Variants in ATP6V0A4 observed in about 807,000 individuals in gnomAD.
ATP6V0A4 encodes the protein ATPase H+ transporting V0 subunit a4.
ATP6V0A4 carries 86 observed loss-of-function variants against 107.3 expected under a neutral mutation model. That is an observed-to-expected ratio of 0.80 (90% CI 0.67 to 0.96). The LOEUF is 0.96. Ranked by LOEUF, ATP6V0A4 falls within the 40% of genes least tolerant of loss-of-function variation. The pLI, the probability that ATP6V0A4 is intolerant of heterozygous loss-of-function variation, is 0.00. For synonymous variants in ATP6V0A4, 353 were observed against 381.4 expected (o/e 0.93, Z 0.87); for missense variants, 908 against 1,045.6 (o/e 0.87, Z 1.81).
chr7:138,745,842 G>T lies in ATP6V0A4; in HGVS notation c.1321-562C>A, dbSNP rs527615717. Among the ~76,000 whole-genome samples the T allele has an allele frequency of 1.2e-3, 178 of 145,068 alleles. 1 individual carries two copies. The highest frequency in any genetic ancestry group is 4.4e-3 in the African/African-American group (172 of 39,326). On this transcript the variant is annotated intron_variant, in intron 13 of 21. Coordinates refer to ENST00000310018, the MANE Select transcript of ATP6V0A4 (RefSeq NM_020632.3). ...CACGTTAGTCGCAGTTACTCAGGAG[G>T]CTGAGGCAGGAGAATCACTTGAACC...
intron 3 of ATP6V0A4, among the ~76,000 whole-genome samples, chr7:138,769,600 G>A (rs182109967): frequency 6.6e-6 from 1 of 152,194 alleles, no homozygotes; most frequent in Admixed American, 6.5e-5. Flanking sequence ...CAAGCGTGAG[G>A]CACTGCGCTA....
At chr7:138,769,096 T>A in intron 4 of ATP6V0A4, 77 bp downstream of exon 4, 1 of 1,599,604 alleles carries the variant, frequency 6.3e-7, no homozygotes, top group East Asian at 2.2e-5. Flanking sequence ...CATTTGTTCA[T>A]TAAGTCCTGC....
intron 19 of ATP6V0A4, among the ~76,000 whole-genome samples, chr7:138,716,954 T>G (rs1456272849): frequency 6.6e-6 from 1 of 152,082 alleles, no homozygotes. Flanking sequence ...TGCCACACTC[T>G]GGGAAGCGCA....
chr7:138,761,610 G>A (rs1447361414), intron 7 of ATP6V0A4, among the ~76,000 whole-genome samples: 2 of 146,224 alleles, frequency 1.4e-5, no homozygotes, highest in East Asian at 2.0e-4. Context: ...CAGCCTGGAC[G>A]ACAGAGCAAG....
intron 20 of ATP6V0A4, among the ~76,000 whole-genome samples, chr7:138,711,028 G>A (rs1356331067): frequency 1.3e-5 from 2 of 151,970 alleles, no homozygotes; most frequent in Non-Finnish European, 2.9e-5. Context: ...AAAAGTTCAG[G>A]GGCAAATGCC....
intron 17 of ATP6V0A4, 26 bp downstream of exon 17, chr7:138,732,851 T>A (rs1397402346): frequency 1.8e-5 from 25 of 1,398,476 alleles, no homozygotes; most frequent in East Asian, 1.0e-4. Flanking sequence ...AAAAGAAGAG[T>A]AAAAAAAAAA....
chr7:138,749,464 T>C (rs1806123104), intron 11 of ATP6V0A4, 147 bp from the exon 12 acceptor site: 4 of 821,624 alleles, frequency 4.9e-6, no homozygotes, highest in Admixed American at 2.7e-5. Context: ...CACGACCTTA[T>C]GTGTAGAGAG....
intron 17 of ATP6V0A4, 26 bp from the exon 18 acceptor site, chr7:138,728,888 C>T (rs991213404): frequency 2.5e-6 from 4 of 1,613,828 alleles, no homozygotes; most frequent in Non-Finnish European, 3.4e-6. Flanking sequence ...GGCGAGATCT[C>T]ATCATTTTCA....
chr7:138,779,860 C>T (rs1563018476), intron 2 of ATP6V0A4, among the ~76,000 whole-genome samples: 1 of 152,114 alleles, frequency 6.6e-6, no homozygotes, highest in Non-Finnish European at 1.5e-5. Flanking sequence ...TATATATATG[C>T]ACAAGTGTGT....
intron 15 of ATP6V0A4, among the ~76,000 whole-genome samples, chr7:138,736,152 A>T (rs1441603343): frequency 6.6e-6 from 1 of 152,200 alleles, no homozygotes; most frequent in Non-Finnish European, 1.5e-5. Flanking sequence ...AGGCTGAAGC[A>T]GGGAGATTGA....
chr7:138,775,873 A>G (rs1490453274), intron 2 of ATP6V0A4, among the ~76,000 whole-genome samples: 14 of 151,804 alleles, frequency 9.2e-5, no homozygotes, highest in African/African-American at 2.9e-4. Context: ...GATGGTCTCG[A>G]TCTCCTGACC....
intron 1 of ATP6V0A4, among the ~76,000 whole-genome samples, chr7:138,795,025 G>A (rs1808591853): frequency 6.6e-6 from 1 of 151,830 alleles, no homozygotes; most frequent in African/African-American, 2.4e-5. Context: ...AGCCTCCCAA[G>A]TAGCCGGGAT....
chr7:138,767,508 G>A (rs1295684176), intron 5 of ATP6V0A4, among the ~76,000 whole-genome samples: 1 of 152,062 alleles, frequency 6.6e-6, no homozygotes, highest in Non-Finnish European at 1.5e-5. Flanking sequence ...GGGCAACAGA[G>A]CAAGACTCCA....
intron 18 of ATP6V0A4, among the ~76,000 whole-genome samples, chr7:138,725,647 G>A (rs919203089): frequency 2.0e-5 from 3 of 152,118 alleles, no homozygotes; most frequent in Admixed American, 6.6e-5. Context: ...CGAGTAGCTG[G>A]GATTATAAGG....
chr7:138,707,350 A>AATATATATTATATTATATATATTT, intron 21 of ATP6V0A4, among the ~76,000 whole-genome samples: 1 of 90,394 alleles, frequency 1.1e-5, no homozygotes, highest in South Asian at 2.9e-4. Flanking sequence ...TATATATTAT[A>AATATATATTATATTATATATATTT]ATATATATTA....
chr7:138,795,900 C>T (rs1563026968), intron 1 of ATP6V0A4, among the ~76,000 whole-genome samples: 1 of 152,178 alleles, frequency 6.6e-6, no homozygotes, highest in East Asian at 1.9e-4. Flanking sequence ...AGTGATCTTC[C>T]CACCTCGGCC....
At position 138,756,338 on chromosome 7, in the gene ATP6V0A4, A is replaced by C. The variant is rs11764089; in HGVS notation, c.722+120T>G. On this transcript the variant is annotated intron_variant, in intron 9 of 21. Coordinates refer to ENST00000310018, the MANE Select transcript of ATP6V0A4 (RefSeq NM_020632.3). Reference sequence around the variant, plus strand: ...AGTTGGGGCTGACTTTTATGTGAGAAAGTTATTCTAAAGCCTTACTGACCT... The same window carrying C: ...AGTTGGGGCTGACTTTTATGTGAGACAGTTATTCTAAAGCCTTACTGACCT... The C allele has an allele frequency of 0.11, 162,935 of 1,519,180 alleles. 9,875 individuals are homozygous for C. The highest frequency in any genetic ancestry group is 0.12 in the Non-Finnish European group (135,502 of 1,113,140). The allele number at this position is 1,519,180 out of a possible 1,614,324, so 94.1% of individuals were successfully genotyped here.
chr7:138,751,341 CCTT>C (rs1247632837), intron 11 of ATP6V0A4, among the ~76,000 whole-genome samples: 5 of 152,192 alleles, frequency 3.3e-5, no homozygotes, highest in Admixed American at 1.3e-4. Flanking sequence ...CGTGCGGTGT[CCTT>C]CTCCCCTGGG....
chr7:138,747,942 G>A (rs572894095), intron 12 of ATP6V0A4, among the ~76,000 whole-genome samples: 7 of 152,042 alleles, frequency 4.6e-5, no homozygotes, highest in African/African-American at 1.7e-4. Flanking sequence ...TTTCTATAGA[G>A]ATGAGGTCTC....
Sources: allele counts gnomAD v4.1 joint callset (sites outside exome capture counted in the v4.1 genomes callset), GRCh38; gene constraint gnomAD v4.1.1; transcripts MANE v1.5; gene names NCBI Gene and HGNC (gene_info 2026-07-23, HGNC 2026-07-21).